SVIL: variants seen among roughly 807,000 people sequenced by gnomAD.
The protein encoded by SVIL is archvillin.
A neutral mutation model predicts 240.4 loss-of-function variants in SVIL; 101 were observed. That is an observed-to-expected ratio of 0.42 (90% CI 0.36 to 0.50). SVIL has a LOEUF of 0.50. Among genes scored for constraint, SVIL ranks in the 20% least tolerant of loss-of-function variants. The probability of loss-of-function intolerance (pLI) is 0.01; values close to 1 mark genes in which losing one functional copy is unlikely to be tolerated. For missense variants in SVIL, 2,512 were observed against 2,818.7 expected (o/e 0.89, Z 2.46); for synonymous variants, 999 against 1,100.0 (o/e 0.91, Z 1.82).
At chr10:29,498,154 A>G (rs1447510560) in intron 18 of SVIL, among the ~76,000 whole-genome samples, 1 of 148,850 alleles carries the variant, frequency 6.7e-6, no homozygotes, top group African/African-American at 2.5e-5. Context: ...ACAGTGGTTC[A>G]CGCCTGTAAT....
At chr10:29,648,047 A>G (rs1958723375) in intron 3 of SVIL, among the ~76,000 whole-genome samples, 1 of 150,794 alleles carries the variant, frequency 6.6e-6, no homozygotes, top group Non-Finnish European at 1.5e-5. Context: ...CGCTCCCACC[A>G]GCCCATGAAA....
At chr10:29,613,210 C>T (rs1043475903) in intron 1 of SVIL, among the ~76,000 whole-genome samples, 4 of 149,586 alleles carry the variant, frequency 2.7e-5, no homozygotes, top group South Asian at 2.1e-4. Flanking sequence ...AGGAGGGATG[C>T]GGGCCGAATG....
chr10:29,467,504 A>C (rs1349619682), intron 33 of SVIL, among the ~76,000 whole-genome samples: 1 of 152,158 alleles, frequency 6.6e-6, no homozygotes, highest in African/African-American at 2.4e-5. Context: ...GCTGGACATA[A>C]TACTCATCAC....
At chr10:29,597,045 T>C in intron 1 of SVIL, among the ~76,000 whole-genome samples, 1 of 152,196 alleles carries the variant, frequency 6.6e-6, no homozygotes, top group East Asian at 1.9e-4. Flanking sequence ...AACTATCGCA[T>C]TGCCTCTCTA....
chr10:29,675,539 G>A (rs898203046), intron 2 of SVIL, among the ~76,000 whole-genome samples: 3 of 152,082 alleles, frequency 2.0e-5, no homozygotes, highest in Non-Finnish European at 4.4e-5. Context: ...AGGCTAGGAT[G>A]TTACTCCCAC....
intron 1 of SVIL, among the ~76,000 whole-genome samples, chr10:29,617,933 A>C (rs1957489126): frequency 6.6e-6 from 1 of 152,234 alleles, no homozygotes; most frequent in African/African-American, 2.4e-5. Context: ...CAAGACGTTA[A>C]GAGGTTTTCA....
In SVIL at chr10:29,462,728, C is replaced by T. The variant is rs970214053; in HGVS notation, c.6278-327G>A. ...TTCCTCCTGAATTCACCTGTAGAGT[C>T]ATCCGTCTCATTTCCTAGCACAGGA... is the stretch of plus-strand genomic sequence containing the variant. On this transcript the variant is annotated intron_variant, in intron 35 of 37. Transcript: ENST00000355867. Among the ~76,000 whole-genome samples the T allele has an allele frequency of 2.6e-5, 4 of 152,200 alleles. No homozygotes were observed. In the South Asian group the frequency reaches 8.3e-4, roughly 32 times the overall value.
At chr10:29,691,252 C>T (rs1961478102) in intron 1 of SVIL, among the ~76,000 whole-genome samples, 1 of 150,458 alleles carries the variant, frequency 6.6e-6, no homozygotes, top group African/African-American at 2.5e-5. Context: ...CACTCTGTCG[C>T]CCAGGCTGGA....
intron 1 of SVIL, among the ~76,000 whole-genome samples, chr10:29,608,245 G>A (rs1957097525): frequency 6.6e-6 from 1 of 152,250 alleles, no homozygotes; most frequent in African/African-American, 2.4e-5. Context: ...AGTGGGGTTG[G>A]CAATTACCTC....
chr10:29,585,321 C>T (rs1329202141), intron 1 of SVIL, among the ~76,000 whole-genome samples: 1 of 152,036 alleles, frequency 6.6e-6, no homozygotes, highest in Non-Finnish European at 1.5e-5. Context: ...CTTGGCCCCA[C>T]AAAGTGCAGA....
chr10:29,545,090 G>A, intron 6 of SVIL: 1 of 534,366 alleles, frequency 1.9e-6, no homozygotes, highest in Non-Finnish European at 3.8e-6. Flanking sequence ...GGTCAAGCAC[G>A]ATGCTCTCCT....
At chr10:29,587,501 T>C (rs2132788011) in intron 1 of SVIL, among the ~76,000 whole-genome samples, 2 of 152,328 alleles carry the variant, frequency 1.3e-5, no homozygotes, top group Middle Eastern at 6.8e-3. Context: ...CCAAAAACTC[T>C]TCCAAGGCCG....
upstream of SVIL, among the ~76,000 whole-genome samples, chr10:29,637,275 A>T (rs1958342857): frequency 6.6e-6 from 1 of 152,212 alleles, no homozygotes; most frequent in African/African-American, 2.4e-5. Context: ...ACCTGAGGTC[A>T]GGAGTTCGAG....
At position 29,708,253 on chromosome 10, in the gene SVIL, A is replaced by G. The variant is rs565094278; in HGVS notation, c.-399-21602T>C. Among the ~76,000 whole-genome samples, 76 of 90,786 alleles carry G rather than the reference A, an allele frequency of 8.4e-4. No homozygotes were observed. The East Asian group carries it at 0.021, about 25-fold the overall frequency. 59.6% of individuals were successfully genotyped at this position (90,786 alleles called of 152,430 possible). ...AGCCTGGGAGACAGAGTGAGACTCC[A>G]TCTCAAAAAAAAAAAAAAAAAAAAA... On this transcript the variant is annotated intron_variant, in intron 1 of 35. Coordinates refer to the SVIL transcript ENST00000375400.
chr10:29,701,470 C>T (rs183701872), intron 1 of SVIL, among the ~76,000 whole-genome samples: 18 of 152,106 alleles, frequency 1.2e-4, no homozygotes, highest in Admixed American at 2.6e-4. Context: ...AGATGTATAA[C>T]GCCCAAGTTT....
intron 28 of SVIL, 41 bp downstream of exon 28, chr10:29,481,543 C>T (rs540267284): frequency 4.2e-5 from 67 of 1,610,916 alleles, no homozygotes; most frequent in South Asian, 2.5e-4. Flanking sequence ...TATTGGGACC[C>T]GAACCAAGCC....
chr10:29,515,670 G>T (rs777993890), intron 16 of SVIL, among the ~76,000 whole-genome samples: 1 of 152,106 alleles, frequency 6.6e-6, no homozygotes, highest in Non-Finnish European at 1.5e-5. Context: ...AATCAGATTG[G>T]ATTCAAATGA....
At chr10:29,622,249 CAAAAA>C (rs71020801) in intron 1 of SVIL, among the ~76,000 whole-genome samples, 5,897 of 51,204 alleles carry the variant, frequency 0.12, 115 homozygotes, top group Middle Eastern at 0.26. Flanking sequence ...GACTCCGTCT[CAAAAA>C]AAAAAAAAAA....
intron 32 of SVIL, among the ~76,000 whole-genome samples, chr10:29,468,122 C>T (rs750026057): frequency 1.1e-4 from 16 of 152,172 alleles, no homozygotes; most frequent in Non-Finnish European, 1.5e-4. Flanking sequence ...GCAGTCACTC[C>T]GCATTTCCCC....
Sources: allele counts gnomAD v4.1 joint callset (sites outside exome capture counted in the v4.1 genomes callset), GRCh38; gene constraint gnomAD v4.1.1; transcripts MANE v1.5; gene names NCBI Gene and HGNC (gene_info 2026-07-23, HGNC 2026-07-21).